Variants in BATF3 observed in about 807,000 individuals in gnomAD.
BATF3 encodes basic leucine zipper ATF-like transcription factor 3.
BATF3 carries 8 observed loss-of-function variants against 16.1 expected under a neutral mutation model. That is an observed-to-expected ratio of 0.50 (90% CI 0.29 to 0.90). BATF3 has a LOEUF of 0.90. Ranked by LOEUF, BATF3 falls within the 40% of genes least tolerant of loss-of-function variation. The probability of loss-of-function intolerance (pLI) is 0.08; values close to 1 mark genes in which losing one functional copy is unlikely to be tolerated. For missense variants in BATF3, 139 were observed against 167.0 expected (o/e 0.83, Z 0.92); for synonymous variants, 74 against 72.7 (o/e 1.02, Z -0.09).
chr1:212,687,994 A>AG lies in BATF3; in HGVS notation c.196-1016dup, dbSNP rs1178066308. Among the ~76,000 whole-genome samples, 27 of 100,860 alleles carry AG rather than the reference A, an allele frequency of 2.7e-4. No homozygotes were observed. The East Asian group carries it at 5.2e-3, about 19-fold the overall frequency. 66.2% of individuals were successfully genotyped at this position (100,860 alleles called of 152,430 possible). On this transcript the variant is annotated intron_variant, in intron 2 of 2. Coordinates refer to ENST00000243440, the MANE Select transcript of BATF3 (RefSeq NM_018664.3). ...AAGAAAGAAAGAAAGAAAGAAAGAA[A>AG]GAAAGGAAGGAAGGAAGGAAGGAAG... is the stretch of plus-strand genomic sequence containing the variant.
intron 2 of BATF3, among the ~76,000 whole-genome samples, chr1:212,695,518 C>T (rs988647419): frequency 9.5e-6 from 1 of 105,502 alleles, no homozygotes; most frequent in African/African-American, 3.7e-5. Context: ...AAAAAAAAAA[C>T]CTACAAAAAT....
chr1:212,688,489 C>A (rs994592598), intron 2 of BATF3, among the ~76,000 whole-genome samples: 2 of 152,226 alleles, frequency 1.3e-5, no homozygotes, highest in East Asian at 3.8e-4. Flanking sequence ...ATGATGGATG[C>A]TATGGGGCTT....
chr1:212,687,996 AAAGGAAGGAAGGAAGGAAGGAAGG>A lies in BATF3; in HGVS notation c.196-1041_196-1018del, dbSNP rs150731119. On this transcript the variant is annotated intron_variant, in intron 2 of 2. Coordinates refer to ENST00000243440, the MANE Select transcript of BATF3 (RefSeq NM_018664.3). ...GAAAGAAAGAAAGAAAGAAAGAAAGAAAGGAAGGAAGGAAGGAAGGAAGGAAGGAAGGAAGGAAGGAAGGAGAGA... is the reference window on the plus strand; with the variant it reads ...GAAAGAAAGAAAGAAAGAAAGAAAGAAAGGAAGGAAGGAAGGAAGGAGAGA... 5.8e-3 allele frequency among the ~76,000 whole-genome samples: 583 copies of A among 101,294 alleles called. 10 individuals are homozygous for A. Among genetic ancestry groups the A allele is most frequent in the African/African-American group, 0.019 (525 of 27,498 alleles). The allele number at this position is 101,294 out of a possible 152,430, so 66.5% of individuals were successfully genotyped here.
chr1:212,687,703 A>C (rs1656882453), intron 2 of BATF3, among the ~76,000 whole-genome samples: 1 of 151,990 alleles, frequency 6.6e-6, no homozygotes, highest in South Asian at 2.1e-4. Context: ...AGGTGGGAGG[A>C]TCACTTAAGG....
chr1:212,696,943 C>A lies in BATF3; in HGVS notation c.195+18G>T. The A allele has an allele frequency of 6.2e-7, 1 of 1,606,112 alleles. No homozygotes were observed. The highest frequency in any genetic ancestry group is 8.5e-7 in the Non-Finnish European group (1 of 1,172,774). On this transcript the variant is annotated intron_variant, in intron 2 of 2. Transcript: ENST00000243440. ...GGCTGTGTGGCTCTAAGGTGGCTTG[C>A]CCCTACCACGGTCTCACCTCATGGA...
intron 1 of BATF3, chr1:212,698,490 A>G (rs1558022602): frequency 6.6e-6 from 1 of 152,234 alleles, no homozygotes; most frequent in Non-Finnish European, 1.5e-5. Context: ...CTAACAGCCT[A>G]ATGCTTAGGA....
At chr1:212,698,733 C>G (rs1270498466) in intron 1 of BATF3, 1 of 152,240 alleles carries the variant, frequency 6.6e-6, no homozygotes, top group Non-Finnish European at 1.5e-5. Context: ...ATCACACCTG[C>G]CAACCCAGCA....
chr1:212,691,055 G>A (rs960759548), intron 2 of BATF3, among the ~76,000 whole-genome samples: 1 of 152,186 alleles, frequency 6.6e-6, no homozygotes, highest in South Asian at 2.1e-4. Flanking sequence ...GAATTATGCT[G>A]CCCCATGCAT....
chr1:212,699,839 C>A lies in BATF3; in HGVS notation c.-77G>T, dbSNP rs113665144. ...CGTGGGGCTGCCTACGGGCGCTGTC[C>A]CGCCGCCGGCATCCTCGTGCCGCAC... is the stretch of plus-strand genomic sequence containing the variant. On this transcript the variant is annotated 5_prime_UTR_variant, in exon 1 of 3. Transcript: ENST00000243440. This position sits in a 1 kb window ranked among gnomAD's most constrained non-coding sequence, Gnocchi z 4.4. 56,648 of 948,356 alleles carry A rather than the reference C, an allele frequency of 0.06. 2,048 individuals are homozygous for A. Among genetic ancestry groups the A allele is most frequent in the Non-Finnish European group, 0.065 (50,159 of 769,056 alleles). The allele number at this position is 948,356 out of a possible 1,614,324, so 58.7% of individuals were successfully genotyped here. A position where few individuals can be genotyped will look rare whatever the true frequency, so the allele number is the denominator to read the frequency against.
rs57901499 is a variant in BATF3 at position 212,699,256 on chromosome 1, A to ACCC, written c.90+414_90+416dup. ...CGGCGTTCTCCATTCCCGCGGCAGC[A>ACCC]CCCCCCCCACCCGGGGGAATCCTGG... On this transcript the variant is annotated intron_variant, in intron 1 of 2. Transcript: ENST00000243440. This position sits in a 1 kb window ranked among gnomAD's most constrained non-coding sequence, Gnocchi z 4.4. Among the ~76,000 whole-genome samples, 23,618 of 150,882 alleles carry ACCC rather than the reference A, an allele frequency of 0.16. 1,944 individuals carry two copies. The highest frequency in any genetic ancestry group is 0.27 in the South Asian group (1,281 of 4,774).
At chr1:212,688,860 C>G (rs938824972) in intron 2 of BATF3, among the ~76,000 whole-genome samples, 1 of 152,164 alleles carries the variant, frequency 6.6e-6, no homozygotes. Context: ...GGCCCAATTG[C>G]GTTACTCATC....
At chr1:212,698,997 A>G (rs187683390) in intron 1 of BATF3, among the ~76,000 whole-genome samples, 1 of 152,228 alleles carries the variant, frequency 6.6e-6, no homozygotes, top group Non-Finnish European at 1.5e-5. Flanking sequence ...CCGGGCGCTG[A>G]ATTGGGAAGG....
At chr1:212,691,927 C>A (rs1425285006) in intron 2 of BATF3, among the ~76,000 whole-genome samples, 1 of 152,234 alleles carries the variant, frequency 6.6e-6, no homozygotes, top group Non-Finnish European at 1.5e-5. Flanking sequence ...GAAATCCCCA[C>A]GGGAGGTGTG....
rs1431013624 is a variant in BATF3 at position 212,699,637 on chromosome 1, C to A, written c.90+36G>T. The A allele has an allele frequency of 7.8e-7, 1 of 1,277,752 alleles. No individual in the cohort carries two copies. Among genetic ancestry groups the A allele is most frequent in the Non-Finnish European group, 9.9e-7 (1 of 1,010,636 alleles). The allele number at this position is 1,277,752 out of a possible 1,614,324, so 79.2% of individuals were successfully genotyped here. A position where few individuals can be genotyped will look rare whatever the true frequency, so the allele number is the denominator to read the frequency against. On this transcript the variant is annotated intron_variant, in intron 1 of 2. Transcript: ENST00000243440. The surrounding 1 kb of genome is among the most constrained non-coding windows in gnomAD (Gnocchi z 4.4). ...GCCCCCCGCGGCGCGCCGGTCCCCG[C>A]ACCCCACGGCCCTCCCTGAGCCTCT...
rs1427872907 is a variant in BATF3 at position 212,689,152 on chromosome 1, C to T, written c.196-2173G>A. Among the ~76,000 whole-genome samples the T allele has an allele frequency of 1.3e-5, 2 of 152,148 alleles. No homozygotes were observed. Reference sequence around the variant, plus strand: ...ACTCATATGAAGTAATGTCTCCCCCCAAAGATCAGAAATGTAAAGGACCTA... The same window carrying T: ...ACTCATATGAAGTAATGTCTCCCCCTAAAGATCAGAAATGTAAAGGACCTA... On this transcript the variant is annotated intron_variant, in intron 2 of 2. Coordinates refer to ENST00000243440, the MANE Select transcript of BATF3 (RefSeq NM_018664.3). The surrounding 1 kb of genome is among the most constrained non-coding windows in gnomAD (Gnocchi z 4.6).
intron 2 of BATF3, among the ~76,000 whole-genome samples, chr1:212,687,688 G>A (rs1361835908): frequency 2.0e-5 from 3 of 152,180 alleles, no homozygotes; most frequent in East Asian, 1.9e-4. Flanking sequence ...CACTTTGGGA[G>A]GTCAAGGTGG....
At chr1:212,694,114 G>T (rs150486260) in intron 2 of BATF3, among the ~76,000 whole-genome samples, 6 of 152,108 alleles carry the variant, frequency 3.9e-5, no homozygotes, top group African/African-American at 1.4e-4. Flanking sequence ...AAACGCAACC[G>T]GCCATTGCTG....
chr1:212,697,401 C>G (rs1200455372), intron 1 of BATF3: 1 of 172,472 alleles, frequency 5.8e-6, no homozygotes, highest in African/African-American at 2.4e-5. Context: ...TCATAAACCT[C>G]TAGCCCACAG....
At position 212,699,695 on chromosome 1, in the gene BATF3, G is replaced by C; in HGVS notation, c.68C>G (p.Pro23Arg). 7.4e-7 allele frequency: 1 copy of C among 1,350,768 alleles called. No individual in the cohort carries two copies. Among genetic ancestry groups the C allele is most frequent in the Non-Finnish European group, 9.6e-7 (1 of 1,046,856 alleles). 83.7% of individuals were successfully genotyped at this position (1,350,768 alleles called of 1,614,324 possible). A position where few individuals can be genotyped will look rare whatever the true frequency, so the allele number is the denominator to read the frequency against. ...TACCTGCTGCTGCGGCTGCGGCTGCGGCTGGTTCCCGGGCGCCGCGACGCT... is the reference window on the plus strand; with the variant it reads ...TACCTGCTGCTGCGGCTGCGGCTGCCGCTGGTTCCCGGGCGCCGCGACGCT... ...QRSVAAPGNQ[P>R]QPQPQQQSPE... Residue 23 changes from proline (P) to arginine (R), a missense_variant, in exon 1 of 3, where the codon CCG becomes CGG. Coordinates refer to ENST00000243440, the MANE Select transcript of BATF3 (RefSeq NM_018664.3). This position sits in a 1 kb window ranked among gnomAD's most constrained non-coding sequence, Gnocchi z 4.4.
Sources: gnomAD v4.1 joint callset for allele counts (sites outside exome capture counted in the v4.1 genomes callset) on GRCh38, gnomAD v4.1.1 for gene constraint, Gnocchi (gnomAD v3.1) non-coding constraint, MANE v1.5 for transcripts, NCBI Gene and HGNC (gene_info 2026-07-23, HGNC 2026-07-21) for gene names.